Variants in UTRN observed in about 807,000 individuals in gnomAD.
UTRN encodes utrophin.
A neutral mutation model predicts 463.9 loss-of-function variants in UTRN; 283 were observed. That is an observed-to-expected ratio of 0.61 (90% confidence interval 0.55 to 0.67). The LOEUF (loss-of-function observed/expected upper bound fraction) is 0.67. UTRN is among the 30% of genes least tolerant of loss of function. The probability of loss-of-function intolerance (pLI) is 0.00; values close to 1 mark genes in which losing one functional copy is unlikely to be tolerated. For missense variants in UTRN, 3,922 were observed against 4,084.3 expected (o/e 0.96, Z 1.08); for synonymous variants, 1,442 against 1,431.5 (o/e 1.01, Z -0.17).
At chr6:144,603,924 A>C (rs1427807753) in intron 51 of UTRN, among the ~76,000 whole-genome samples, 2 of 152,236 alleles carry the variant, frequency 1.3e-5, no homozygotes, top group East Asian at 3.8e-4. Context: ...TCAGAGCCTC[A>C]TATGATTTCC....
chr6:144,566,941 G>A (rs1475752635), intron 50 of UTRN, among the ~76,000 whole-genome samples: 1 of 152,112 alleles, frequency 6.6e-6, no homozygotes, highest in Non-Finnish European at 1.5e-5. Context: ...GAGTCCAGGA[G>A]TTCCAGACTA....
chr6:144,507,860 T>C (rs1239697634), intron 34 of UTRN, among the ~76,000 whole-genome samples: 3 of 152,188 alleles, frequency 2.0e-5, no homozygotes, highest in Non-Finnish European at 4.4e-5. Flanking sequence ...GAAGCTTTGC[T>C]CACAGCTGCC....
intron 2 of UTRN, among the ~76,000 whole-genome samples, chr6:144,355,124 T>TA (rs1310723261): frequency 2.0e-5 from 3 of 152,168 alleles, no homozygotes; most frequent in Non-Finnish European, 4.4e-5. Context: ...TAATTCCTGT[T>TA]AAAAAATGTG....
chr6:144,680,276 A>G lies in UTRN; in HGVS notation c.7652+1698A>G, dbSNP rs779050808. Among the ~76,000 whole-genome samples the G allele has an allele frequency of 1.1e-3, 165 of 152,318 alleles. 1 individual carries two copies. The highest frequency in any genetic ancestry group is 2.1e-3 in the Non-Finnish European group (140 of 68,020). The stretch of plus-strand genomic sequence containing the variant: ...AACAGATCATTCTAAGTAAAAAGTT[A>G]CAGACAAGAAATTTTTGGTCTTTCT... On this transcript the variant is annotated intron_variant, in intron 52 of 74. Coordinates refer to ENST00000367545, the MANE Select transcript of UTRN (RefSeq NM_007124.3).
At chr6:144,756,543 G>C (rs540013428) in intron 57 of UTRN, among the ~76,000 whole-genome samples, 1 of 152,076 alleles carries the variant, frequency 6.6e-6, no homozygotes, top group African/African-American at 2.4e-5. Flanking sequence ...TTTGCTGCTT[G>C]GAATCTTTGG....
At chr6:144,422,064 T>C in intron 4 of UTRN, 94 bp downstream of exon 4, 1 of 986,382 alleles carries the variant, frequency 1.0e-6, no homozygotes, top group Non-Finnish European at 1.4e-6. Flanking sequence ...AAGTATCCAT[T>C]TTACTTTACG....
intron 25 of UTRN, among the ~76,000 whole-genome samples, chr6:144,476,651 T>A (rs894979308): frequency 6.6e-6 from 1 of 152,104 alleles, no homozygotes; most frequent in Non-Finnish European, 1.5e-5. Flanking sequence ...GAATGTGGGG[T>A]CCCAAATGCT....
chr6:144,840,587 G>A (rs1025159531), intron 72 of UTRN, among the ~76,000 whole-genome samples, 153 bp from the exon 73 acceptor site: 7 of 152,160 alleles, frequency 4.6e-5, no homozygotes, highest in Non-Finnish European at 8.8e-5. Context: ...AATGTTTTGG[G>A]TATATTCCCC....
chr6:144,561,242 TATATATATATATATATATACATAC>T (rs1410156239), intron 50 of UTRN, among the ~76,000 whole-genome samples: 2 of 78,984 alleles, frequency 2.5e-5, no homozygotes, highest in African/African-American at 9.3e-5. Flanking sequence ...TATATATATA[TATATATATATATATATATACATAC>T]ACACACACAC....
chr6:144,770,518 C>T (rs576047786), intron 58 of UTRN, among the ~76,000 whole-genome samples: 149 of 152,178 alleles, frequency 9.8e-4, no homozygotes, highest in Middle Eastern at 3.4e-3. Context: ...GTCTTTGGAG[C>T]ACTATTAAAT....
At chr6:144,608,667 C>T (rs146288313) in intron 51 of UTRN, among the ~76,000 whole-genome samples, 125 of 152,184 alleles carry the variant, frequency 8.2e-4, no homozygotes, top group African/African-American at 2.6e-3. Context: ...TCCATTTCCT[C>T]GCCATTTTGG....
At chr6:144,446,707 G>A (rs1253988902) in intron 14 of UTRN, among the ~76,000 whole-genome samples, 2 of 152,178 alleles carry the variant, frequency 1.3e-5, no homozygotes, top group Non-Finnish European at 2.9e-5. Flanking sequence ...AACCTTGAAT[G>A]CTAGTGTGGA....
intron 71 of UTRN, chr6:144,838,931 A>G: frequency 2.5e-6 from 1 of 394,406 alleles, no homozygotes; most frequent in Non-Finnish European, 4.5e-6. Context: ...TGAGGGATAA[A>G]AATGGTGTTG....
At chr6:144,659,505 G>A (rs1779643915) in intron 51 of UTRN, among the ~76,000 whole-genome samples, 3 of 152,144 alleles carry the variant, frequency 2.0e-5, no homozygotes, top group Admixed American at 2.0e-4. Flanking sequence ...TAGTTCTGTT[G>A]CATTGACAGC....
intron 37 of UTRN, among the ~76,000 whole-genome samples, chr6:144,515,404 G>A (rs1002365160): frequency 4.1e-4 from 62 of 152,176 alleles, no homozygotes; most frequent in African/African-American, 1.4e-3. Context: ...TCCCAAGCTA[G>A]GGATGAATAT....
intron 49 of UTRN, 55 bp from the exon 50 acceptor site, chr6:144,557,102 T>C (rs1256934964): frequency 6.4e-7 from 1 of 1,570,372 alleles, no homozygotes; most frequent in Non-Finnish European, 8.6e-7. Flanking sequence ...TTGTTTTGAT[T>C]ATACTAATTA....
chr6:144,683,501 A>G (rs1782421052), intron 52 of UTRN, among the ~76,000 whole-genome samples: 1 of 152,130 alleles, frequency 6.6e-6, no homozygotes, highest in South Asian at 2.1e-4. Flanking sequence ...TTGCCTACTG[A>G]AAGTGATCAC....
intron 60 of UTRN, among the ~76,000 whole-genome samples, chr6:144,780,142 G>C (rs1258062423): frequency 1.3e-5 from 2 of 152,098 alleles, no homozygotes; most frequent in Non-Finnish European, 2.9e-5. Context: ...GTTACAAATG[G>C]ATAAATACAA....
intron 53 of UTRN, among the ~76,000 whole-genome samples, chr6:144,715,696 C>CCCA (rs1554350678): frequency 7.2e-6 from 1 of 138,214 alleles, no homozygotes; most frequent in East Asian, 3.0e-4. Context: ...TCTCTCTTCC[C>CCCA]CCCCCACCCT....
Sources: gnomAD v4.1 joint callset for allele counts (sites outside exome capture counted in the v4.1 genomes callset) on GRCh38, gnomAD v4.1.1 for gene constraint, MANE v1.5 for transcripts, NCBI Gene and HGNC (gene_info 2026-07-23, HGNC 2026-07-21) for gene names.